PINK1: variants seen among roughly 807,000 people sequenced by gnomAD.
PINK1 encodes PTEN induced kinase 1, also known as serine/threonine-protein kinase PINK1, mitochondrial.
PINK1 carries 58 observed loss-of-function variants against 56.0 expected under a neutral mutation model. The observed-to-expected ratio is 1.04, with a 90% confidence interval of 0.84 to 1.29. The LOEUF (loss-of-function observed/expected upper bound fraction) is 1.29, where lower values mean the gene tolerates loss of function less well. Among genes scored for constraint, PINK1 ranks in the 50% most tolerant of loss-of-function variants. The pLI is 0.00. For synonymous variants in PINK1, 354 were observed against 339.3 expected (o/e 1.04, Z -0.48); for missense variants, 745 against 777.9 (o/e 0.96, Z 0.50).
intron 5 of PINK1, among the ~76,000 whole-genome samples, chr1:20,647,808 T>C (rs2053204489): frequency 8.5e-6 from 1 of 117,290 alleles, no homozygotes; most frequent in Non-Finnish European, 2.0e-5. Context: ...TGGACCCTTT[T>C]ACAAATAACC....
At chr1:20,639,725 A>G in intron 2 of PINK1, 167 bp from the exon 3 acceptor site, 1 of 692,640 alleles carries the variant, frequency 1.4e-6, no homozygotes, top group South Asian at 1.5e-5. Context: ...TCTGCCTCCC[A>G]GGAGTAACTA....
In PINK1 at chr1:20,651,468, G is replaced by A. The variant is rs1308791592; in HGVS notation, c.*777G>A. 6.6e-6 allele frequency: 1 copy of A among 152,398 alleles called. No individual in the cohort carries two copies. The highest frequency in any genetic ancestry group is 1.5e-5 in the Non-Finnish European group (1 of 68,216). 9.4% of individuals were successfully genotyped at this position (152,398 alleles called of 1,614,324 possible). ...TATACATGATTTTTAGGAAGCTATTGCCTAAATCAGCGTCAACATGCAGTA... is the reference window on the plus strand; with the variant it reads ...TATACATGATTTTTAGGAAGCTATTACCTAAATCAGCGTCAACATGCAGTA... On this transcript the variant is annotated 3_prime_UTR_variant, in exon 8 of 8. Transcript: ENST00000321556.
intron 2 of PINK1, chr1:20,639,417 C>G (rs1282785206): frequency 4.0e-6 from 1 of 251,426 alleles, no homozygotes; most frequent in Admixed American, 4.7e-5. Flanking sequence ...GGTGCTTTCC[C>G]CACTCTTTGG....
Position 20,650,695 on chromosome 1 carries a change from C to T in PINK1, c.*4C>T, listed in dbSNP as rs759215944. 1.2e-6 allele frequency: 2 copies of T among 1,613,078 alleles called. No individual in the cohort carries two copies. Among genetic ancestry groups the T allele is most frequent in the Admixed American group, 1.7e-5 (1 of 59,984 alleles). On this transcript the variant is annotated 3_prime_UTR_variant, in exon 8 of 8. Coordinates refer to ENST00000321556, the MANE Select transcript of PINK1 (RefSeq NM_032409.3). ...CTCATGGAGGGCAGCCCTGTGATGT[C>T]CCTGCATGGAGCTGGTGAATTACTA... is the stretch of plus-strand genomic sequence containing the variant.
chr1:20,644,718 A>T, intron 4 of PINK1, 46 bp downstream of exon 4: 1 of 1,604,238 alleles, frequency 6.2e-7, no homozygotes, highest in Non-Finnish European at 8.5e-7. Flanking sequence ...TACATCTCCC[A>T]AGGGGAGCTG....
Position 20,650,596 on chromosome 1 carries a change from G to C in PINK1, c.1651G>C (p.Glu551Gln), listed in dbSNP as rs1320834693. Residue 551 changes from glutamate (E) to glutamine (Q), a missense_variant, in exon 8 of 8, where the codon GAA becomes CAA. By Grantham distance (29) the Glu-to-Gln change is conservative (BLOSUM62 2). Coordinates refer to ENST00000321556, the MANE Select transcript of PINK1 (RefSeq NM_032409.3). ...CAGGCTCACAGAGAAGTGTTGTGTG[G>C]AAACAAAAATGAAGATGCTCTTTCT... ...ANRLTEKCCV[E>Q]TKMKMLFLAN... 6.2e-7 allele frequency: 1 copy of C among 1,614,094 alleles called. No individual in the cohort carries two copies. Among genetic ancestry groups the C allele is most frequent in the Non-Finnish European group, 8.5e-7 (1 of 1,180,050 alleles).
In PINK1 at chr1:20,641,897, G is replaced by T. The variant is rs12139440; in HGVS notation, c.776+1905G>T. ...ATTTCAGGTCTCAGTTCAGACACCC[G>T]CAACCCCACCATGTATCTCCCCAGT... is the stretch of plus-strand genomic sequence containing the variant. On this transcript the variant is annotated intron_variant, in intron 3 of 7. Transcript: ENST00000321556. This position sits in a 1 kb window ranked among gnomAD's most constrained non-coding sequence, Gnocchi z 4.0. Among the ~76,000 whole-genome samples, 41,969 of 151,894 alleles carry T rather than the reference G, an allele frequency of 0.28. 5,956 individuals are homozygous for T. Among genetic ancestry groups the T allele is most frequent in the South Asian group, 0.37 (1,793 of 4,824 alleles).
Position 20,648,492 on chromosome 1 carries a change from T to A in PINK1, c.1124-13T>A, listed in dbSNP as rs2053215619. 6.2e-7 allele frequency: 1 copy of A among 1,614,104 alleles called. No individual in the cohort carries two copies. The highest frequency in any genetic ancestry group is 8.5e-7 in the Non-Finnish European group (1 of 1,179,992). On this transcript the variant is annotated splice_polypyrimidine_tract_variant and intron_variant, in intron 5 of 7. Transcript: ENST00000321556. ...GGGGAGGAGAAATGGTCACTTTGCT[T>A]GCTCCTTCCCAGACGGCTGCCCCTG...
intron 3 of PINK1, chr1:20,642,542 A>G (rs1279209988): frequency 1.3e-5 from 2 of 152,258 alleles, no homozygotes; most frequent in African/African-American, 2.4e-5. Flanking sequence ...AGGCTTTGAC[A>G]TCAGCAAACT....
chr1:20,650,898 T>C lies in PINK1; in HGVS notation c.*207T>C. On this transcript the variant is annotated 3_prime_UTR_variant, in exon 8 of 8. Coordinates refer to ENST00000321556, the MANE Select transcript of PINK1 (RefSeq NM_032409.3). ...TGCTCACAGACATCTGAAAAGTGAA[T>C]GGCCAAGCTGGTCTAGTAGATGAGG... is the stretch of plus-strand genomic sequence containing the variant. 1.5e-6 allele frequency: 1 copy of C among 653,046 alleles called. No homozygotes were observed. Among genetic ancestry groups the C allele is most frequent in the African/African-American group, 1.8e-5 (1 of 55,362 alleles). 40.5% of individuals were successfully genotyped at this position (653,046 alleles called of 1,614,324 possible). A position where few individuals can be genotyped will look rare whatever the true frequency, so the allele number is the denominator to read the frequency against.
At chr1:20,636,738 C>T (rs1308324537) in intron 1 of PINK1, among the ~76,000 whole-genome samples, 2 of 152,136 alleles carry the variant, frequency 1.3e-5, no homozygotes, top group Non-Finnish European at 2.9e-5. Context: ...AGGAAAGTTG[C>T]CATGGGCTGG....
In PINK1 at chr1:20,633,490, G is replaced by T. The variant is rs2053011376; in HGVS notation, c.-59G>T. 4 of 1,095,000 alleles carry T rather than the reference G, an allele frequency of 3.7e-6. No individual in the cohort carries two copies. The highest frequency in any genetic ancestry group is 5.7e-5 in the East Asian group (1 of 17,492). 67.8% of individuals were successfully genotyped at this position (1,095,000 alleles called of 1,614,324 possible). ...CCGCCCCAAGTTTGTTGTGACCGGC[G>T]GGGGACGCCGGTGGTGGCGGCAGCG... On this transcript the variant is annotated 5_prime_UTR_variant, in exon 1 of 8. Transcript: ENST00000321556.
intron 1 of PINK1, 122 bp downstream of exon 1, chr1:20,634,057 C>A: frequency 1.7e-6 from 2 of 1,204,470 alleles, no homozygotes; most frequent in African/African-American, 1.5e-5. Context: ...AGGGCCGAGG[C>A]GAGGGTCCTT....
chr1:20,634,045 C>G, intron 1 of PINK1, 110 bp downstream of exon 1: 1 of 1,322,282 alleles, frequency 7.6e-7, no homozygotes, highest in Non-Finnish European at 1.0e-6. Flanking sequence ...CTGAGCAGAT[C>G]GAGGGCCGAG....
At chr1:20,648,405 T>C in intron 5 of PINK1, 100 bp from the exon 6 acceptor site, 3 of 1,551,704 alleles carry the variant, frequency 1.9e-6, no homozygotes, top group Non-Finnish European at 2.6e-6. Context: ...CATTAGCCCC[T>C]GTCAGCTATG....
At chr1:20,647,553 C>G (rs76953237) in intron 5 of PINK1, among the ~76,000 whole-genome samples, 1 of 148,028 alleles carries the variant, frequency 6.8e-6, no homozygotes, top group Non-Finnish European at 1.5e-5. Context: ...TCACTGCAAC[C>G]CCTGCCTATC....
In PINK1 at chr1:20,633,958, C is replaced by T. The variant is rs1325646348; in HGVS notation, c.387+23C>T. On this transcript the variant is annotated intron_variant, in intron 1 of 7. Coordinates refer to ENST00000321556, the MANE Select transcript of PINK1 (RefSeq NM_032409.3). ...CAGGTGAGCGGGGCCGGGTCCTAAG[C>T]CGAGCGGAGGACGGAGCTAAGCGCG... 10 of 1,574,368 alleles carry T rather than the reference C, an allele frequency of 6.4e-6. No individual in the cohort carries two copies. The African/African-American group carries it at 1.2e-4, about 19-fold the overall frequency.
intron 4 of PINK1, 58 bp from the exon 5 acceptor site, chr1:20,645,502 A>AC (rs1553146533): frequency 2.0e-6 from 3 of 1,528,700 alleles, no homozygotes; most frequent in African/African-American, 2.7e-5. Context: ...AAAAAAAAAA[A>AC]AACGTATTGG....
At chr1:20,645,971 G>A (rs2053175896) in intron 5 of PINK1, among the ~76,000 whole-genome samples, 1 of 152,032 alleles carries the variant, frequency 6.6e-6, no homozygotes, top group Non-Finnish European at 1.5e-5. Context: ...AGTGCTGCAA[G>A]TTTTCCTAGG....
Sources: allele counts gnomAD v4.1 joint callset (sites outside exome capture counted in the v4.1 genomes callset), GRCh38; gene constraint gnomAD v4.1.1; non-coding constraint Gnocchi (gnomAD v3.1); transcripts MANE v1.5; gene names NCBI Gene and HGNC (gene_info 2026-07-23, HGNC 2026-07-21).